The following CDH13 variants were observed in gnomAD, a reference collection of about 807,000 sequenced individuals.
CDH13 encodes cadherin 13.
A neutral mutation model predicts 63.8 loss-of-function variants in CDH13; 24 were observed. The observed-to-expected ratio is 0.38, with a 90% CI of 0.27 to 0.53. The LOEUF (loss-of-function observed/expected upper bound fraction) is 0.53, where lower values mean the gene tolerates loss of function less well. CDH13 is among the 20% of genes least tolerant of loss of function. The pLI, the probability that CDH13 is intolerant of heterozygous loss-of-function variation, is 0.85. For missense variants in CDH13, 1,049 were observed against 903.1 expected, an observed-to-expected ratio of 1.16 and a Z score of -2.07; for synonymous variants, 503 against 355.3, an observed-to-expected ratio of 1.42 and a Z score of -4.67.
At chr16:82,818,546 T>C (rs1231774226) in intron 1 of CDH13, among the ~76,000 whole-genome samples, 1 of 152,086 alleles carries the variant, frequency 6.6e-6, no homozygotes, top group Non-Finnish European at 1.5e-5. Flanking sequence ...TCTTGAAGGA[T>C]GGGTAGGAGT....
rs891948993 is a variant in CDH13, at chr16:83,056,260, A to G, written c.366+24042A>G. Among the ~76,000 whole-genome samples the G allele has an allele frequency of 1.3e-3, 201 of 152,324 alleles. 1 individual carries two copies. The highest frequency in any genetic ancestry group is 4.7e-3 in the African/African-American group (194 of 41,582). ...GGCAATCAGAATTCTCACACACTGT[A>G]AAGCTGAACATTCTTGACCTAGAAA... On this transcript the variant is annotated intron_variant, in intron 3 of 13. Transcript: ENST00000567109.
intron 3 of CDH13, among the ~76,000 whole-genome samples, chr16:83,082,366 C>G (rs1487290266): frequency 1.3e-5 from 2 of 152,054 alleles, no homozygotes; most frequent in Non-Finnish European, 1.5e-5. Flanking sequence ...TCTCCCTGCC[C>G]TTAATCCCAG....
chr16:83,698,847 G>T (rs1033662791), intron 10 of CDH13, among the ~76,000 whole-genome samples: 1 of 152,308 alleles, frequency 6.6e-6, no homozygotes, highest in African/African-American at 2.4e-5. Context: ...TACTCAACTC[G>T]ACCATCGTAA....
rs138189157 is a variant in CDH13, at chr16:83,559,384, C to A, written c.961-43070C>A. ...GTTGTGAGTTCAAGAGCAGCCTGAG[C>A]AACATGGAGAAACCCTGTCTCTACT... On this transcript the variant is annotated intron_variant, in intron 7 of 13. Coordinates refer to ENST00000567109, the MANE Select transcript of CDH13 (RefSeq NM_001257.5). 7.3e-3 allele frequency among the ~76,000 whole-genome samples: 1,108 copies of A among 152,188 alleles called. 12 individuals carry two copies. The highest frequency in any genetic ancestry group is 0.025 in the African/African-American group (1,025 of 41,516).
chr16:82,728,551 A>G (rs530244587), intron 1 of CDH13, among the ~76,000 whole-genome samples: 1 of 152,240 alleles, frequency 6.6e-6, no homozygotes, highest in East Asian at 1.9e-4. Flanking sequence ...ACCTTAATTT[A>G]AAAATACTTT....
At chr16:82,830,549 G>A (rs542781489) in intron 1 of CDH13, among the ~76,000 whole-genome samples, 2 of 152,242 alleles carry the variant, frequency 1.3e-5, no homozygotes, top group African/African-American at 2.4e-5. Flanking sequence ...ATGGTGAGGG[G>A]TGGGAGCGCT....
At position 82,639,283 on chromosome 16, in the gene CDH13, A is replaced by G. The variant is rs1465976487; in HGVS notation, c.45+12146A>G. 7 of 972,472 alleles carry G rather than the reference A, an allele frequency of 7.2e-6. No homozygotes were observed. In the Admixed American group the frequency reaches 1.6e-4, roughly 22 times the overall value. 60.2% of individuals were successfully genotyped at this position (972,472 alleles called of 1,614,324 possible). ...GGGCCCTGGACTTCCTGTCTGGGCT[A>G]CTGATTGCAACCTTCAGAACAGGGT... On this transcript the variant is annotated intron_variant, in intron 1 of 13. Transcript: ENST00000567109.
intron 9 of CDH13, among the ~76,000 whole-genome samples, chr16:83,675,230 C>T (rs1196960784): frequency 6.6e-6 from 1 of 152,178 alleles, no homozygotes; most frequent in Admixed American, 6.5e-5. Context: ...CCAATTACAG[C>T]ACTCCGAGGG....
At chr16:82,642,500 CTT>C (rs1436482672) in intron 1 of CDH13, among the ~76,000 whole-genome samples, 5 of 152,156 alleles carry the variant, frequency 3.3e-5, no homozygotes, top group Non-Finnish European at 5.9e-5. Flanking sequence ...TTCTCTCTCT[CTT>C]TGGTGGGAGA....
chr16:82,743,030 A>T (rs2151056791), intron 1 of CDH13, among the ~76,000 whole-genome samples: 1 of 152,386 alleles, frequency 6.6e-6, no homozygotes, highest in East Asian at 1.9e-4. Context: ...ATTATAAAAT[A>T]TTGAAATGTG....
chr16:83,034,184 G>A (rs1361562927), intron 3 of CDH13, among the ~76,000 whole-genome samples: 1 of 152,110 alleles, frequency 6.6e-6, no homozygotes, highest in East Asian at 1.9e-4. Context: ...GCTCGTGGCA[G>A]ATATTGCTAA....
At chr16:83,520,831 C>T (rs1320039834) in intron 7 of CDH13, among the ~76,000 whole-genome samples, 2 of 152,116 alleles carry the variant, frequency 1.3e-5, no homozygotes, top group Non-Finnish European at 2.9e-5. Context: ...GCACAGGATC[C>T]ACCACATGGC....
At chr16:82,970,030 T>C (rs1908471424) in intron 2 of CDH13, among the ~76,000 whole-genome samples, 4 of 152,098 alleles carry the variant, frequency 2.6e-5, no homozygotes, top group Admixed American at 2.6e-4. Flanking sequence ...GGTGGTTTGC[T>C]GCATCTGTCA....
At chr16:83,368,894 A>T (rs1290449144) in intron 6 of CDH13, among the ~76,000 whole-genome samples, 3 of 22,134 alleles carry the variant, frequency 1.4e-4, no homozygotes, top group Admixed American at 4.6e-4. Flanking sequence ...TTATATATAT[A>T]TATATATATA....
intron 2 of CDH13, among the ~76,000 whole-genome samples, chr16:82,928,659 G>A (rs1358829839): frequency 6.6e-6 from 1 of 152,082 alleles, no homozygotes; most frequent in Non-Finnish European, 1.5e-5. Context: ...AGTTGTGTAG[G>A]CTCTGTAAAA....
chr16:82,788,882 C>T (rs1294718289), intron 1 of CDH13, among the ~76,000 whole-genome samples: 1 of 152,124 alleles, frequency 6.6e-6, no homozygotes, highest in African/African-American at 2.4e-5. Context: ...GTTCATTAAG[C>T]CTTTGGATCA....
In CDH13 at chr16:83,329,616, C is replaced by G. The variant is rs183563843; in HGVS notation, c.637-15246C>G. On this transcript the variant is annotated intron_variant, in intron 5 of 13. Coordinates refer to ENST00000567109, the MANE Select transcript of CDH13 (RefSeq NM_001257.5). ...TTCAGTAGTGTTAAATTTTTTCATG[C>G]TATTGTGAAACACATCTCCGGAACC... 2.1e-3 allele frequency among the ~76,000 whole-genome samples: 324 copies of G among 152,172 alleles called. 3 individuals are homozygous for G. The highest frequency in any genetic ancestry group is 4.4e-3 in the African/African-American group (184 of 41,530).
At chr16:83,321,205 C>G (rs1479618534) in intron 5 of CDH13, among the ~76,000 whole-genome samples, 1 of 152,174 alleles carries the variant, frequency 6.6e-6, no homozygotes, top group Non-Finnish European at 1.5e-5. Context: ...AAACAATTGT[C>G]TATTATTAAC....
At chr16:82,725,181 T>A (rs1379057570) in intron 1 of CDH13, among the ~76,000 whole-genome samples, 2 of 151,540 alleles carry the variant, frequency 1.3e-5, no homozygotes, top group Non-Finnish European at 2.9e-5. Flanking sequence ...TGATGATGAT[T>A]TGGAACTAGA....
Sources: gnomAD v4.1 joint callset for allele counts (sites outside exome capture counted in the v4.1 genomes callset) on GRCh38, gnomAD v4.1.1 for gene constraint, MANE v1.5 for transcripts, NCBI Gene and HGNC (gene_info 2026-07-23, HGNC 2026-07-21) for gene names.